Variants in DIP2A observed in about 807,000 individuals in gnomAD.
The protein encoded by DIP2A is DIP2 acetate--CoA ligase A.
In DIP2A, 85 loss-of-function variants were observed where a neutral mutation model predicts 177.4. The observed-to-expected ratio is 0.48, with a 90% CI of 0.40 to 0.57. The LOEUF is 0.57. DIP2A is among the 20% of genes least tolerant of loss of function. The pLI is 0.00. For missense variants in DIP2A, 1,791 were observed against 2,100.2 expected (o/e 0.85, Z 2.88); for synonymous variants, 886 against 881.8 (o/e 1.00, Z -0.08).
intron 3 of DIP2A, among the ~76,000 whole-genome samples, chr21:46,492,473 C>G (rs1403332133): frequency 3.3e-5 from 5 of 152,142 alleles, no homozygotes; most frequent in Admixed American, 1.3e-4. Context: ...TCTAATGTGT[C>G]TTTTTTCCTT....
At chr21:46,545,299 G>A in intron 19 of DIP2A, 26 bp downstream of exon 19, 1 of 1,580,418 alleles carries the variant, frequency 6.3e-7, no homozygotes. Flanking sequence ...TGACTTTCAT[G>A]TTGAAGTTAA....
chr21:46,559,163 G>A (rs1413326945), intron 32 of DIP2A: 1 of 150,428 alleles, frequency 6.6e-6, no homozygotes, highest in Non-Finnish European at 1.5e-5. Flanking sequence ...AAGAGCTCAC[G>A]GCAGTTCTGT....
chr21:46,561,313 G>A, intron 33 of DIP2A: 1 of 295,092 alleles, frequency 3.4e-6, no homozygotes, highest in Non-Finnish European at 6.5e-6. Context: ...TCATCTTGAT[G>A]AACGATGGTG....
chr21:46,539,898 C>T lies in DIP2A; in HGVS notation c.1943C>T (p.Ala648Val), dbSNP rs1006373663. 1.2e-6 allele frequency: 2 copies of T among 1,613,908 alleles called. No individual in the cohort carries two copies. The highest frequency in any genetic ancestry group is 1.3e-5 in the African/African-American group (1 of 74,932). The change falls in exon 17 of 38, where the codon GCC becomes GTC. Residue 648 changes from alanine to valine, a missense_variant. Coordinates refer to ENST00000417564, the MANE Select transcript of DIP2A (RefSeq NM_015151.4). ...ANPWSISSCDAFLNVFQSRGL... is the reference protein window; with the variant it reads ...ANPWSISSCDVFLNVFQSRGL... ...GCAGGGTCGATCTCCTCCTGTGACG[C>T]CTTCCTCAACGTCTTCCAGTCCAGA...
chr21:46,521,868 C>T (rs993433615), intron 8 of DIP2A, among the ~76,000 whole-genome samples: 26 of 152,164 alleles, frequency 1.7e-4, no homozygotes, highest in Admixed American at 1.6e-3. Flanking sequence ...TCCTTTAACC[C>T]TTTAATCTAG....
chr21:46,546,341 T>G (rs2060038119), intron 20 of DIP2A: 2 of 1,036,906 alleles, frequency 1.9e-6, no homozygotes, highest in Non-Finnish European at 2.3e-6. Context: ...ACTGGGCAAT[T>G]TTGCCCCTTC....
intron 2 of DIP2A, among the ~76,000 whole-genome samples, chr21:46,486,251 C>G (rs997816910): frequency 6.6e-6 from 1 of 152,126 alleles, no homozygotes; most frequent in African/African-American, 2.4e-5. Context: ...GTTGCTCAGG[C>G]TGGTGCACAG....
rs2060728539 is a variant in DIP2A, at chr21:46,563,283, C to G, written c.4090-575C>G. Among the ~76,000 whole-genome samples, 1 of 152,194 alleles carries G rather than the reference C, an allele frequency of 6.6e-6. No individual in the cohort carries two copies. The highest frequency in any genetic ancestry group is 2.1e-4 in the South Asian group (1 of 4,830). On this transcript the variant is annotated intron_variant, in intron 34 of 37. Transcript: ENST00000417564. This position sits in a 1 kb window ranked among gnomAD's most constrained non-coding sequence, Gnocchi z 4.3. ...TTCATACGTGAGGAAACTGAGGACACAGAACAAGCATCCAGGCCTTGTGCA... is the reference window on the plus strand; with the variant it reads ...TTCATACGTGAGGAAACTGAGGACAGAGAACAAGCATCCAGGCCTTGTGCA...
At chr21:46,474,680 T>C (rs936237590) in intron 1 of DIP2A, among the ~76,000 whole-genome samples, 1 of 152,200 alleles carries the variant, frequency 6.6e-6, no homozygotes, top group Non-Finnish European at 1.5e-5. Flanking sequence ...TCTCACTGTG[T>C]TGCCTAGGCT....
chr21:46,488,074 C>T (rs1455852423), intron 2 of DIP2A, among the ~76,000 whole-genome samples: 1 of 152,100 alleles, frequency 6.6e-6, no homozygotes, highest in Non-Finnish European at 1.5e-5. Context: ...GCTTTATAGT[C>T]ACAACAGGAG....
At chr21:46,469,856 G>T (rs1225545227) in intron 1 of DIP2A, among the ~76,000 whole-genome samples, 1 of 151,996 alleles carries the variant, frequency 6.6e-6, no homozygotes, top group African/African-American at 2.4e-5. Context: ...CACGTAGTGT[G>T]TCCTCAGTGA....
intron 8 of DIP2A, among the ~76,000 whole-genome samples, chr21:46,524,878 T>C (rs2059002120): frequency 1.1e-4 from 5 of 46,836 alleles, no homozygotes; most frequent in African/African-American, 3.5e-4. Flanking sequence ...TTTGCTTTTT[T>C]TTTTTTTTTT....
downstream of DIP2A, among the ~76,000 whole-genome samples, chr21:46,570,724 A>G (rs979071875): frequency 2.6e-5 from 4 of 152,236 alleles, no homozygotes; most frequent in African/African-American, 9.6e-5. Flanking sequence ...ACTAACCTCC[A>G]GTATTTGCCT....
intron 5 of DIP2A, among the ~76,000 whole-genome samples, chr21:46,501,601 T>C (rs377435898): frequency 2.3e-4 from 35 of 152,216 alleles, no homozygotes; most frequent in African/African-American, 7.9e-4. Flanking sequence ...TAAAAATTTT[T>C]TGGAAAGATG....
chr21:46,503,503 A>G (rs1251716571), intron 5 of DIP2A, among the ~76,000 whole-genome samples: 1 of 151,844 alleles, frequency 6.6e-6, no homozygotes, highest in South Asian at 2.1e-4. Flanking sequence ...TGTTTTTTTC[A>G]TAATGTAACA....
rs898948179 is a variant in DIP2A at position 46,568,480 on chromosome 21, A to G, written c.*858A>G. 1 of 152,182 alleles carries G rather than the reference A, an allele frequency of 6.6e-6. No homozygotes were observed. The highest frequency in any genetic ancestry group is 1.5e-5 in the Non-Finnish European group (1 of 68,036). 9.4% of individuals were successfully genotyped at this position (152,182 alleles called of 1,614,324 possible). A position where few individuals can be genotyped will look rare whatever the true frequency, so the allele number is the denominator to read the frequency against. On this transcript the variant is annotated 3_prime_UTR_variant, in exon 38 of 38. Coordinates refer to ENST00000417564, the MANE Select transcript of DIP2A (RefSeq NM_015151.4). ...GCTTGCAGTGAGCCGAGATCACGCT[A>G]CTGCACTCCAGCCTGGGTGACAGCA...
chr21:46,498,893 C>G lies in DIP2A; in HGVS notation c.655+60C>G. On this transcript the variant is annotated intron_variant, in intron 5 of 37. Coordinates refer to ENST00000417564, the MANE Select transcript of DIP2A (RefSeq NM_015151.4). The surrounding 1 kb of genome is among the most constrained non-coding windows in gnomAD (Gnocchi z 4.3). ...AGAGCGGGGTCAGGAGTGTCCAGGA[C>G]AGAGGAGCAGATGGAGGGCACCTGA... The G allele has an allele frequency of 6.7e-7, 1 of 1,503,332 alleles. No homozygotes were observed. The highest frequency in any genetic ancestry group is 8.9e-7 in the Non-Finnish European group (1 of 1,122,856). The allele number at this position is 1,503,332 out of a possible 1,614,324, so 93.1% of individuals were successfully genotyped here.
chr21:46,574,246 A>T (rs187840724), downstream of DIP2A, among the ~76,000 whole-genome samples: 1,118 of 152,298 alleles, frequency 7.3e-3, 12 homozygotes, highest in African/African-American at 0.026. Flanking sequence ...TCAAACAACC[A>T]ATGGATCAAA....
chr21:46,579,813 A>G, the DIP2A span, among the ~76,000 whole-genome samples: 9,045 of 152,198 alleles, frequency 0.059, 327 homozygotes, highest in Non-Finnish European at 0.078. Flanking sequence ...CTGTGGTCTG[A>G]AAGACTGTTA....
Sources: gnomAD v4.1 joint callset for allele counts (sites outside exome capture counted in the v4.1 genomes callset) on GRCh38, gnomAD v4.1.1 for gene constraint, Gnocchi (gnomAD v3.1) non-coding constraint, MANE v1.5 for transcripts, NCBI Gene and HGNC (gene_info 2026-07-23, HGNC 2026-07-21) for gene names.